Variants in CNTNAP2 observed in about 807,000 individuals in gnomAD.
CNTNAP2 encodes the protein contactin-associated protein-like 2.
CNTNAP2 carries 98 observed loss-of-function variants against 155.2 expected under a neutral mutation model. The observed-to-expected ratio is 0.63, with a 90% CI of 0.54 to 0.75. The LOEUF (loss-of-function observed/expected upper bound fraction) is 0.75, where lower values mean the gene tolerates loss of function less well. Among genes scored for constraint, CNTNAP2 ranks in the 30% least tolerant of loss-of-function variants. The pLI is 0.00. For synonymous variants in CNTNAP2, 651 were observed against 631.2 expected (o/e 1.03, Z -0.47); for missense variants, 1,727 against 1,688.1 (o/e 1.02, Z -0.40).
intron 15 of CNTNAP2, among the ~76,000 whole-genome samples, chr7:148,031,264 T>A (rs1802471600): frequency 1.3e-5 from 2 of 152,150 alleles, no homozygotes; most frequent in Non-Finnish European, 2.9e-5. Flanking sequence ...GGTTTACCTC[T>A]CAAAGGGCAG....
At chr7:146,324,299 T>C (rs1801058635) in intron 1 of CNTNAP2, among the ~76,000 whole-genome samples, 1 of 151,780 alleles carries the variant, frequency 6.6e-6, no homozygotes, top group Non-Finnish European at 1.5e-5. Flanking sequence ...AGAAAAAGAG[T>C]AAGGCTTAAC....
At chr7:147,981,073 C>T (rs1451868859) in intron 15 of CNTNAP2, among the ~76,000 whole-genome samples, 1 of 152,028 alleles carries the variant, frequency 6.6e-6, no homozygotes, top group Admixed American at 6.6e-5. Context: ...TTGGGCAGGG[C>T]AAATATTAGT....
intron 15 of CNTNAP2, among the ~76,000 whole-genome samples, chr7:147,998,549 T>TCTCACA (rs1294275550): frequency 2.6e-5 from 4 of 152,146 alleles, no homozygotes. Context: ...ATGCATCTCT[T>TCTCACA]TAAAAGGAAA....
intron 3 of CNTNAP2, among the ~76,000 whole-genome samples, chr7:147,022,930 ACT>A (rs1328109717): frequency 4.0e-5 from 6 of 151,858 alleles, no homozygotes; most frequent in Non-Finnish European, 5.9e-5. Flanking sequence ...GTGTTCATTG[ACT>A]CTATTCTTTT....
At position 148,172,351 on chromosome 7, in the gene CNTNAP2, C is replaced by T. The variant is rs549742316; in HGVS notation, c.2883C>T (p.Ser961=). Residue 961 remains serine, a synonymous_variant, in exon 18 of 24, where the codon TCC becomes TCT. Coordinates refer to ENST00000361727, the MANE Select transcript of CNTNAP2 (RefSeq NM_014141.6). ...ERAKVTSGFI[S]GCSGHCTSYG... is the part of the protein sequence containing the mutation. ...CAAAGGTCACATCTGGGTTCATATC[C>T]GGATGCTCGGGCCATTGCACCAGCT... 37 of 1,613,944 alleles carry T rather than the reference C, an allele frequency of 2.3e-5. No homozygotes were observed. The highest frequency in any genetic ancestry group is 3.1e-5 in the Non-Finnish European group (36 of 1,180,036).
intron 3 of CNTNAP2, among the ~76,000 whole-genome samples, chr7:146,986,043 A>G (rs1185295959): frequency 6.6e-6 from 1 of 152,036 alleles, no homozygotes; most frequent in Non-Finnish European, 1.5e-5. Context: ...AACAGGTGGT[A>G]TTTGGTTACA....
intron 8 of CNTNAP2, among the ~76,000 whole-genome samples, chr7:147,261,275 T>C (rs1048823208): frequency 6.6e-6 from 1 of 152,202 alleles, no homozygotes; most frequent in African/African-American, 2.4e-5. Context: ...TAAAGGTTCC[T>C]TGGGTGATTC....
intron 1 of CNTNAP2, among the ~76,000 whole-genome samples, chr7:146,257,993 C>T (rs577646355): frequency 4.6e-5 from 7 of 151,834 alleles, no homozygotes; most frequent in Middle Eastern, 3.4e-3. Flanking sequence ...TGGGTTCAAG[C>T]GATTCTCCTG....
chr7:147,528,107 A>G (rs917989998), intron 11 of CNTNAP2, among the ~76,000 whole-genome samples: 1 of 152,204 alleles, frequency 6.6e-6, no homozygotes, highest in East Asian at 1.9e-4. Context: ...GGTTGCACCT[A>G]TATGTGGCCA....
intron 8 of CNTNAP2, among the ~76,000 whole-genome samples, chr7:147,231,535 A>G (rs1803681403): frequency 6.6e-6 from 1 of 152,192 alleles, no homozygotes; most frequent in Admixed American, 6.5e-5. Context: ...GGCTGTACAA[A>G]TTTACATTCC....
chr7:146,486,511 A>T (rs1797061604), intron 1 of CNTNAP2, among the ~76,000 whole-genome samples: 1 of 152,184 alleles, frequency 6.6e-6, no homozygotes, highest in Non-Finnish European at 1.5e-5. Context: ...TAGAGTCTGG[A>T]AGAAGGGATT....
chr7:148,260,026 AC>A (rs1390421848), intron 20 of CNTNAP2, among the ~76,000 whole-genome samples: 2 of 152,234 alleles, frequency 1.3e-5, no homozygotes, highest in Non-Finnish European at 2.9e-5. Flanking sequence ...GCTCACTTGG[AC>A]CCCAAAGAAA....
intron 21 of CNTNAP2, among the ~76,000 whole-genome samples, chr7:148,350,918 G>A (rs528558577): frequency 6.6e-6 from 1 of 152,288 alleles, no homozygotes; most frequent in South Asian, 2.1e-4. Flanking sequence ...TTGAAATGGG[G>A]ATCCTGCTGA....
intron 12 of CNTNAP2, among the ~76,000 whole-genome samples, chr7:147,616,070 C>G (rs1294633784): frequency 1.3e-5 from 2 of 150,668 alleles, no homozygotes; most frequent in African/African-American, 4.9e-5. Flanking sequence ...ATTTTTTTTT[C>G]CCCCTGATAG....
chr7:146,773,450 C>T (rs375756053), intron 1 of CNTNAP2, among the ~76,000 whole-genome samples: 1 of 152,184 alleles, frequency 6.6e-6, no homozygotes, highest in South Asian at 2.1e-4. Flanking sequence ...GGCTGGAGTG[C>T]AGTGGCACGA....
intron 8 of CNTNAP2, among the ~76,000 whole-genome samples, chr7:147,210,153 G>A (rs1048158571): frequency 5.3e-5 from 8 of 151,918 alleles, no homozygotes; most frequent in East Asian, 3.9e-4. Flanking sequence ...TTTTGGAATC[G>A]TTTGAGGAGA....
chr7:146,701,992 G>T (rs969135822), intron 1 of CNTNAP2, among the ~76,000 whole-genome samples: 1 of 152,166 alleles, frequency 6.6e-6, no homozygotes, highest in Non-Finnish European at 1.5e-5. Flanking sequence ...TGCTTCGCTG[G>T]AGAGTGAAAT....
chr7:147,992,100 T>A (rs1441578411), intron 15 of CNTNAP2, among the ~76,000 whole-genome samples: 1 of 134,028 alleles, frequency 7.5e-6, no homozygotes, highest in Non-Finnish European at 1.6e-5. Context: ...TTTTTTTTTT[T>A]TTTTTTTTTT....
At chr7:146,123,782 A>G (rs1797596735) in intron 1 of CNTNAP2, among the ~76,000 whole-genome samples, 1 of 152,178 alleles carries the variant, frequency 6.6e-6, no homozygotes, top group Admixed American at 6.5e-5. Flanking sequence ...TAAAATAATA[A>G]CTCTAAGAAA....
Sources: allele counts gnomAD v4.1 joint callset (sites outside exome capture counted in the v4.1 genomes callset), GRCh38; gene constraint gnomAD v4.1.1; transcripts MANE v1.5; gene names NCBI Gene and HGNC (gene_info 2026-07-23, HGNC 2026-07-21).